Variants in RGS6 observed in about 807,000 individuals in gnomAD.
RGS6 encodes the protein regulator of G protein signaling 6.
RGS6 carries 30 observed loss-of-function variants against 78.5 expected under a neutral mutation model. The observed-to-expected ratio is 0.38, with a 90% confidence interval of 0.29 to 0.52. The LOEUF (loss-of-function observed/expected upper bound fraction) is 0.52, where lower values mean the gene tolerates loss of function less well. Ranked by LOEUF, RGS6 falls within the 20% of genes least tolerant of loss-of-function variation. The pLI is 0.85. For missense variants in RGS6, 495 were observed against 609.7 expected (o/e 0.81, Z 1.98); for synonymous variants, 206 against 206.0 (o/e 1.00, Z 0.00).
At chr14:72,085,629 G>C (rs892735436) in intron 2 of RGS6, among the ~76,000 whole-genome samples, 1 of 152,118 alleles carries the variant, frequency 6.6e-6, no homozygotes, top group Non-Finnish European at 1.5e-5. Flanking sequence ...CAAGGCGGTT[G>C]GATCATTTGA....
chr14:72,301,158 G>A (rs1279712872), intron 2 of RGS6, among the ~76,000 whole-genome samples: 15 of 152,162 alleles, frequency 9.9e-5, no homozygotes, highest in Admixed American at 9.2e-4. Context: ...GATTCAGAAA[G>A]AACAGTATCA....
intron 2 of RGS6, among the ~76,000 whole-genome samples, chr14:71,996,024 A>T (rs1169443510): frequency 6.6e-6 from 1 of 152,130 alleles, no homozygotes; most frequent in East Asian, 1.9e-4. Flanking sequence ...AGGCCTTCCG[A>T]GTCACCGGGG....
intron 3 of RGS6, among the ~76,000 whole-genome samples, chr14:72,386,016 A>T (rs1488144352): frequency 4.6e-5 from 7 of 151,998 alleles, no homozygotes; most frequent in Admixed American, 4.6e-4. Context: ...TAAAAATTTC[A>T]TGCCCCTGAA....
At chr14:72,382,715 A>G (rs1390369017) in intron 3 of RGS6, among the ~76,000 whole-genome samples, 2 of 152,230 alleles carry the variant, frequency 1.3e-5, no homozygotes, top group Non-Finnish European at 2.9e-5. Flanking sequence ...GAATGGAAAG[A>G]GAAAGCACAT....
chr14:72,194,357 C>G (rs544621664), intron 2 of RGS6, among the ~76,000 whole-genome samples: 21 of 152,162 alleles, frequency 1.4e-4, no homozygotes, highest in Admixed American at 1.2e-3. Context: ...GTGGAACTTA[C>G]ACTTTATTAT....
intron 2 of RGS6, among the ~76,000 whole-genome samples, chr14:72,343,622 G>T (rs1020578031): frequency 1.6e-5 from 2 of 124,092 alleles, no homozygotes; most frequent in African/African-American, 6.5e-5. Flanking sequence ...TGATGCTTAT[G>T]GCATGGCCCC....
intron 2 of RGS6, among the ~76,000 whole-genome samples, chr14:72,315,076 C>T (rs530363933): frequency 6.6e-6 from 1 of 152,094 alleles, no homozygotes; most frequent in Non-Finnish European, 1.5e-5. Flanking sequence ...GTATGAAGAT[C>T]GTATTTGGAT....
Position 72,276,834 on chromosome 14 carries a change from T to C in RGS6, c.85-75261T>C, listed in dbSNP as rs1223849389. 7.6e-4 allele frequency among the ~76,000 whole-genome samples: 116 copies of C among 152,174 alleles called. 2 individuals are homozygous for C. The highest frequency in any genetic ancestry group is 7.6e-3 in the Admixed American group (116 of 15,298). On this transcript the variant is annotated intron_variant, in intron 2 of 17. Transcript: ENST00000553525. The stretch of plus-strand genomic sequence containing the variant: ...AATTACCCAGTCTCAGATATGTCTT[T>C]ATTAGCAACATGAGAAGAGACTAAT...
chr14:71,898,497 T>C, the RGS6 span, among the ~76,000 whole-genome samples: 2 of 152,202 alleles, frequency 1.3e-5, no homozygotes, highest in Non-Finnish European at 2.9e-5. Context: ...AATATGTAGG[T>C]ACACTTTTTT....
intron 2 of RGS6, among the ~76,000 whole-genome samples, chr14:72,040,399 C>CT (rs954793996): frequency 2.9e-4 from 43 of 146,886 alleles, no homozygotes; most frequent in Non-Finnish European, 4.2e-4. Flanking sequence ...TTTGTGTTGG[C>CT]TTTTTTTTTT....
intron 4 of RGS6, 88 bp from the exon 5 acceptor site, chr14:72,458,183 T>A (rs1366169419): frequency 1.0e-6 from 1 of 965,448 alleles, no homozygotes; most frequent in East Asian, 2.4e-5. Flanking sequence ...CTGGGGGTGA[T>A]GACAGTTGAC....
chr14:72,343,599 G>A (rs577526084), intron 2 of RGS6, among the ~76,000 whole-genome samples: 1 of 151,636 alleles, frequency 6.6e-6, no homozygotes, highest in South Asian at 2.1e-4. Context: ...CTTCTATAGT[G>A]TGTATTAAAC....
At chr14:72,228,323 G>C (rs971179638) in intron 2 of RGS6, among the ~76,000 whole-genome samples, 9 of 152,160 alleles carry the variant, frequency 5.9e-5, no homozygotes, top group Admixed American at 1.3e-4. Flanking sequence ...GGAGGTTGCA[G>C]TGAGTCGAGA....
chr14:72,048,056 A>G lies in RGS6; in HGVS notation c.84+83181A>G, dbSNP rs114592616. Among the ~76,000 whole-genome samples the G allele has an allele frequency of 4.1e-3, 629 of 152,114 alleles. 4 individuals carry two copies. Among genetic ancestry groups the G allele is most frequent in the African/African-American group, 0.014 (576 of 41,500 alleles). ...CACATGGTACCTGGATGAGCATCTT[A>G]TGTTTCACCAAACCAGAAATTTCCC... On this transcript the variant is annotated intron_variant, in intron 2 of 17. Coordinates refer to ENST00000553525, the MANE Select transcript of RGS6 (RefSeq NM_001204424.2).
At chr14:72,343,911 C>T (rs1034536058) in intron 2 of RGS6, among the ~76,000 whole-genome samples, 14 of 152,180 alleles carry the variant, frequency 9.2e-5, no homozygotes, top group Non-Finnish European at 2.9e-5. Flanking sequence ...AGGTCTTCTG[C>T]GGTTGCTAGA....
intron 3 of RGS6, among the ~76,000 whole-genome samples, chr14:72,408,739 A>G (rs11622662): frequency 0.022 from 3,424 of 152,366 alleles, 66 homozygotes; most frequent in Non-Finnish European, 0.033. Context: ...ATGATAAAGA[A>G]CAGAAAAGGA....
At chr14:72,333,340 C>A (rs777032920) in intron 2 of RGS6, among the ~76,000 whole-genome samples, 1 of 152,176 alleles carries the variant, frequency 6.6e-6, no homozygotes, top group Non-Finnish European at 1.5e-5. Context: ...CAGTCAGCTC[C>A]TGCCTGAGTC....
chr14:71,887,606 C>T, the RGS6 span, among the ~76,000 whole-genome samples: 30,807 of 151,938 alleles, frequency 0.2, 5,136 homozygotes, highest in African/African-American at 0.45. Context: ...GCCCTGGTCT[C>T]CTGCAGTACC....
the RGS6 span, among the ~76,000 whole-genome samples, chr14:71,898,548 G>T: frequency 6.6e-6 from 1 of 152,050 alleles, no homozygotes; most frequent in African/African-American, 2.4e-5. Context: ...TGTGCAGAAC[G>T]TGCAGGTTTG....
Sources: gnomAD v4.1 joint callset for allele counts (sites outside exome capture counted in the v4.1 genomes callset) on GRCh38, gnomAD v4.1.1 for gene constraint, MANE v1.5 for transcripts, NCBI Gene and HGNC (gene_info 2026-07-23, HGNC 2026-07-21) for gene names.